ISLR2: variants seen among roughly 807,000 people sequenced by gnomAD.
ISLR2 encodes immunoglobulin superfamily containing leucine-rich repeat protein 2.
Under a neutral mutation model 25.5 loss-of-function variants are expected in ISLR2, and 16 were observed. The ratio of observed to expected loss-of-function variants is 0.63; its 90% CI spans 0.43 to 0.95. ISLR2 has a LOEUF of 0.95. Ranked by LOEUF, ISLR2 falls within the 40% of genes least tolerant of loss-of-function variation. The probability of loss-of-function intolerance (pLI) is 0.00; values close to 1 mark genes in which losing one functional copy is unlikely to be tolerated. For synonymous variants in ISLR2, 508 were observed against 486.6 expected (o/e 1.04, Z -0.58); for missense variants, 883 against 1,030.7 (o/e 0.86, Z 1.96).
downstream of ISLR2, chr15:74,138,342 C>G (rs1465749169): frequency 8.1e-6 from 1 of 123,742 alleles, no homozygotes; most frequent in Non-Finnish European, 1.6e-5. Flanking sequence ...GAATGGGAGA[C>G]TGGTATAGAA....
At chr15:74,128,356 G>A, upstream of ISLR2, 2 of 432,550 alleles carry the variant, frequency 4.6e-6, no homozygotes, top group South Asian at 3.3e-5. Context: ...AAAAGCATTT[G>A]CTGTAGAGTG....
chr15:74,133,213 C>T lies in ISLR2; in HGVS notation c.459C>T (p.Arg153=). The part of the protein sequence containing the change: ...LGALPDLRSL[R]INNNRLRTLA... ...CGCTACCCGACCTGCGTTCCCTGCGCATCAACAACAACCGGCTGCGTACGC... is the reference window on the plus strand; with the variant it reads ...CGCTACCCGACCTGCGTTCCCTGCGTATCAACAACAACCGGCTGCGTACGC... Residue 153 remains arginine, a synonymous_variant, in exon 3 of 3, where the codon CGC becomes CGT. Coordinates refer to ENST00000453268, the MANE Select transcript of ISLR2 (RefSeq NM_020851.3). 5 of 1,613,104 alleles carry T rather than the reference C, an allele frequency of 3.1e-6. No homozygotes were observed. The highest frequency in any genetic ancestry group is 4.2e-6 in the Non-Finnish European group (5 of 1,180,010).
chr15:74,127,867 C>T (rs2072319547), upstream of ISLR2: 1 of 152,688 alleles, frequency 6.5e-6, no homozygotes, highest in Admixed American at 6.5e-5. Context: ...CCAGGGGCTC[C>T]AGCTCTCCAT....
chr15:74,116,698 C>T (rs1219349954), intron 2 of ISLR2, among the ~76,000 whole-genome samples: 1 of 151,802 alleles, frequency 6.6e-6, no homozygotes, highest in South Asian at 2.1e-4. Context: ...GGGTTTATAA[C>T]ATGTGGAAGT....
intron 2 of ISLR2, among the ~76,000 whole-genome samples, chr15:74,106,741 G>T (rs1374445035): frequency 6.6e-6 from 1 of 151,982 alleles, no homozygotes; most frequent in East Asian, 1.9e-4. Context: ...CCAAGGCCAC[G>T]TTTGGGCCTC....
chr15:74,131,693 C>T (rs1356155082), intron 2 of ISLR2, among the ~76,000 whole-genome samples: 3 of 152,170 alleles, frequency 2.0e-5, no homozygotes, highest in Non-Finnish European at 2.9e-5. Context: ...TGGCTGAGGA[C>T]GCCTCTGCCC....
At chr15:74,123,213 C>G (rs1595941023), upstream of ISLR2, among the ~76,000 whole-genome samples, 4 of 152,196 alleles carry the variant, frequency 2.6e-5, no homozygotes, top group East Asian at 5.8e-4. Context: ...TCCTGGGACC[C>G]AAGCGGGCCT....
At position 74,134,650 on chromosome 15, in the gene ISLR2, G is replaced by A. The variant is rs745813574; in HGVS notation, c.1896G>A (p.Gln632=). The A allele has an allele frequency of 1.7e-5, 28 of 1,614,026 alleles. No homozygotes were observed. The Middle Eastern group carries it at 4.9e-4, about 28-fold the overall frequency. Residue 632 remains glutamine (Q), a synonymous_variant, in exon 3 of 3, where the codon CAG becomes CAA. Coordinates refer to ENST00000453268, the MANE Select transcript of ISLR2 (RefSeq NM_020851.3). ...GKPYRLILRP[Q]APDPMEKRIA... Reference sequence around the variant, plus strand: ...CCTACCGTCTGATCCTGCGGCCTCAGGCCCCTGACCCTATGGAGAAGCGCA... The same window carrying A: ...CCTACCGTCTGATCCTGCGGCCTCAAGCCCCTGACCCTATGGAGAAGCGCA...
chr15:74,113,379 G>A (rs1001369196), intron 2 of ISLR2, among the ~76,000 whole-genome samples: 1 of 152,214 alleles, frequency 6.6e-6, no homozygotes, highest in Non-Finnish European at 1.5e-5. Context: ...TCAAAGTCTT[G>A]AGCTCAAGTG....
At chr15:74,139,863 A>AGTGTGTGTGTGTGTGTGT (rs10579764), downstream of ISLR2, among the ~76,000 whole-genome samples, 1 of 128,050 alleles carries the variant, frequency 7.8e-6, no homozygotes, top group South Asian at 2.8e-4. Context: ...CGGCTTGAGG[A>AGTGTGTGTGTGTGTGTGT]GTGTGTGTGT....
upstream of ISLR2, chr15:74,127,401 G>A (rs911341585): frequency 1.8e-4 from 27 of 152,224 alleles, no homozygotes; most frequent in African/African-American, 6.0e-4. Context: ...TTTTGTGCCA[G>A]GGACTAGTCG....
chr15:74,119,841 A>G (rs780492628), intron 2 of ISLR2, among the ~76,000 whole-genome samples: 3 of 152,222 alleles, frequency 2.0e-5, no homozygotes, highest in African/African-American at 7.2e-5. Flanking sequence ...CCAGCCTTTT[A>G]TACATGAGGT....
downstream of ISLR2, among the ~76,000 whole-genome samples, chr15:74,140,681 A>G (rs1485266684): frequency 6.6e-6 from 1 of 152,234 alleles, no homozygotes; most frequent in Non-Finnish European, 1.5e-5. Flanking sequence ...GACCTAACAA[A>G]TACCTTTACC....
At chr15:74,137,053 A>C (rs551427350), downstream of ISLR2, among the ~76,000 whole-genome samples, 1 of 152,266 alleles carries the variant, frequency 6.6e-6, no homozygotes, top group Non-Finnish European at 1.5e-5. Flanking sequence ...GGTTGCAGGA[A>C]AGGAAGGCGG....
At chr15:74,111,474 T>C (rs2072166959) in intron 2 of ISLR2, among the ~76,000 whole-genome samples, 1 of 151,280 alleles carries the variant, frequency 6.6e-6, no homozygotes, top group Non-Finnish European at 1.5e-5. Flanking sequence ...ATTTTTAGTG[T>C]AGACAGGGCT....
chr15:74,110,488 C>T (rs546089814), intron 2 of ISLR2, among the ~76,000 whole-genome samples: 17 of 152,250 alleles, frequency 1.1e-4, no homozygotes, highest in African/African-American at 3.6e-4. Flanking sequence ...AATGGTAAAG[C>T]AAACTGACAT....
chr15:74,131,425 G>C (rs2072416138), intron 2 of ISLR2, 109 bp downstream of exon 2: 1 of 152,728 alleles, frequency 6.5e-6, no homozygotes, highest in Admixed American at 6.5e-5. Context: ...CAGGAACCGG[G>C]AAGGGAGGGA....
At chr15:74,128,719 G>A, upstream of ISLR2, 2 of 453,578 alleles carry the variant, frequency 4.4e-6, no homozygotes, top group Middle Eastern at 6.6e-4. Flanking sequence ...GTCCCGAAAA[G>A]TCCCCTGGAC....
chr15:74,116,383 A>G (rs1272377829), intron 2 of ISLR2, among the ~76,000 whole-genome samples: 1 of 151,558 alleles, frequency 6.6e-6, no homozygotes, highest in Non-Finnish European at 1.5e-5. Flanking sequence ...GGGCAACATA[A>G]TGAGGCCTCA....
Sources: allele counts gnomAD v4.1 joint callset (sites outside exome capture counted in the v4.1 genomes callset), GRCh38; gene constraint gnomAD v4.1.1; transcripts MANE v1.5; gene names NCBI Gene and HGNC (gene_info 2026-07-23, HGNC 2026-07-21).